PRKN: variants seen among roughly 807,000 people sequenced by gnomAD.
PRKN encodes the protein parkin RBR E3 ubiquitin protein ligase.
A neutral mutation model predicts 59.5 loss-of-function variants in PRKN; 56 were observed. That is an observed-to-expected ratio of 0.94 (90% CI 0.76 to 1.18). The LOEUF is 1.18. Ranked by LOEUF, PRKN falls within the 50% of genes most tolerant of loss-of-function variation. PRKN has a pLI of 0.00. For synonymous variants in PRKN, 250 were observed against 222.1 expected, an observed-to-expected ratio of 1.13 and a Z score of -1.12; for missense variants, 657 against 596.4, an observed-to-expected ratio of 1.10 and a Z score of -1.06.
chr6:162,353,807 C>A (rs971153429), intron 2 of PRKN, among the ~76,000 whole-genome samples: 1 of 152,056 alleles, frequency 6.6e-6, no homozygotes, highest in African/African-American at 2.4e-5. Context: ...CCATATAAAT[C>A]TAATGTGGGG....
At chr6:162,674,014 C>T (rs1349975649) in intron 1 of PRKN, among the ~76,000 whole-genome samples, 2 of 152,120 alleles carry the variant, frequency 1.3e-5, no homozygotes, top group Admixed American at 1.3e-4. Context: ...GAGAGCATCA[C>T]CATAGGGTTC....
At chr6:162,527,665 A>C (rs754248959) in intron 1 of PRKN, among the ~76,000 whole-genome samples, 4 of 152,202 alleles carry the variant, frequency 2.6e-5, no homozygotes, top group Non-Finnish European at 5.9e-5. Context: ...TCAGCTGATA[A>C]ATACTAACTT....
At chr6:161,510,786 A>T (rs1331976343) in intron 9 of PRKN, among the ~76,000 whole-genome samples, 1 of 152,190 alleles carries the variant, frequency 6.6e-6, no homozygotes, top group Non-Finnish European at 1.5e-5. Context: ...ATGATAGAGG[A>T]TATAATCCTT....
chr6:161,853,712 G>A (rs1793528189), intron 6 of PRKN, among the ~76,000 whole-genome samples: 1 of 152,126 alleles, frequency 6.6e-6, no homozygotes, highest in Non-Finnish European at 1.5e-5. Flanking sequence ...ATTTCATTAT[G>A]CAGGAGATCT....
chr6:161,999,498 A>C (rs1781968969), intron 5 of PRKN, among the ~76,000 whole-genome samples: 1 of 152,174 alleles, frequency 6.6e-6, no homozygotes, highest in Admixed American at 6.6e-5. Context: ...ATGCATGAGC[A>C]AATATTTCAT....
intron 2 of PRKN, among the ~76,000 whole-genome samples, chr6:162,286,895 T>C (rs971142559): frequency 6.6e-6 from 1 of 152,206 alleles, no homozygotes; most frequent in Non-Finnish European, 1.5e-5. Flanking sequence ...TCACTGGATT[T>C]GCATCCAGGT....
intron 5 of PRKN, among the ~76,000 whole-genome samples, chr6:161,979,305 C>T (rs1618170): frequency 0.38 from 57,550 of 151,900 alleles, 11,153 homozygotes; most frequent in South Asian, 0.51. Context: ...CACGGTCTCC[C>T]CCTGTAACCC....
intron 1 of PRKN, among the ~76,000 whole-genome samples, chr6:162,678,513 T>C (rs1322990854): frequency 1.3e-5 from 2 of 152,192 alleles, no homozygotes; most frequent in Admixed American, 6.5e-5. Flanking sequence ...TAGCATTTCA[T>C]TGTGGCTTCA....
intron 4 of PRKN, among the ~76,000 whole-genome samples, chr6:162,094,787 C>T (rs1266565789): frequency 6.6e-6 from 1 of 152,160 alleles, no homozygotes; most frequent in Non-Finnish European, 1.5e-5. Flanking sequence ...ACATTTAAAA[C>T]TATTCCTGAA....
chr6:162,000,092 G>A (rs1781994206), intron 5 of PRKN, among the ~76,000 whole-genome samples: 1 of 152,050 alleles, frequency 6.6e-6, no homozygotes, highest in South Asian at 2.1e-4. Context: ...TATGAATAAA[G>A]TCGCTATAAA....
intron 5 of PRKN, among the ~76,000 whole-genome samples, chr6:162,008,091 C>T (rs1442340682): frequency 6.6e-6 from 1 of 152,076 alleles, no homozygotes; most frequent in Non-Finnish European, 1.5e-5. Flanking sequence ...TTACCTAAGA[C>T]CAAAAAATTG....
At position 161,378,756 on chromosome 6, in the gene PRKN, G is replaced by C. The variant is rs944659036; in HGVS notation, c.1167+8038C>G. Among the ~76,000 whole-genome samples the C allele has an allele frequency of 6.6e-6, 1 of 152,292 alleles. No individual in the cohort carries two copies. Among genetic ancestry groups the C allele is most frequent in the Admixed American group, 6.5e-5 (1 of 15,302 alleles). On this transcript the variant is annotated intron_variant, in intron 10 of 11. Coordinates refer to ENST00000366898, the MANE Select transcript of PRKN (RefSeq NM_004562.3). The surrounding 1 kb of genome is among the most constrained non-coding windows in gnomAD (Gnocchi z 7.3). ...CCGCTGGAGCTGCACTGTGATGTGG[G>C]CGCTATCCTCTAAGGTGAGATTTAC...
chr6:161,594,460 C>G (rs1311720544), intron 7 of PRKN, among the ~76,000 whole-genome samples: 2 of 152,192 alleles, frequency 1.3e-5, no homozygotes, highest in East Asian at 3.9e-4. Flanking sequence ...CAGGCCACAC[C>G]TCTTCCCTTT....
chr6:162,028,976 A>G (rs1434291261), intron 5 of PRKN, among the ~76,000 whole-genome samples: 1 of 152,220 alleles, frequency 6.6e-6, no homozygotes, highest in Non-Finnish European at 1.5e-5. Context: ...GATGTTTAGA[A>G]TGATAGGATG....
At chr6:162,604,676 G>A (rs958322101) in intron 1 of PRKN, among the ~76,000 whole-genome samples, 1 of 149,630 alleles carries the variant, frequency 6.7e-6, no homozygotes, top group African/African-American at 2.5e-5. Flanking sequence ...TTTCCCCACA[G>A]GCCCTGTTTC....
Position 161,466,484 on chromosome 6 carries a change from C to G in PRKN, c.1084-79607G>C, listed in dbSNP as rs1010134604. On this transcript the variant is annotated intron_variant, in intron 9 of 11. Coordinates refer to ENST00000366898, the MANE Select transcript of PRKN (RefSeq NM_004562.3). The surrounding 1 kb of genome is among the most constrained non-coding windows in gnomAD (Gnocchi z 5.0). ...CAGTCAACTAGTTTCTATTTTTGCA[C>G]TCATCTGCTCTGATCTGTTTAGGCA... Among the ~76,000 whole-genome samples the G allele has an allele frequency of 6.6e-6, 1 of 152,290 alleles. No individual in the cohort carries two copies. Among genetic ancestry groups the G allele is most frequent in the East Asian group, 1.9e-4 (1 of 5,172 alleles).
In PRKN at chr6:162,628,635, G is replaced by A. The variant is rs543686224; in HGVS notation, c.7+99027C>T. Among the ~76,000 whole-genome samples, 7 of 152,212 alleles carry A rather than the reference G, an allele frequency of 4.6e-5. No individual in the cohort carries two copies. In the South Asian group the frequency reaches 1.5e-3, roughly 32 times the overall value. ...ATGGCAGAGCTCCCATATTGAATGA[G>A]AAAGTGATTCTTGGCAGATAAGACA... On this transcript the variant is annotated intron_variant, in intron 1 of 11. Coordinates refer to ENST00000366898, the MANE Select transcript of PRKN (RefSeq NM_004562.3).
chr6:162,541,138 G>A (rs1778911035), intron 1 of PRKN, among the ~76,000 whole-genome samples: 1 of 152,258 alleles, frequency 6.6e-6, no homozygotes, highest in Non-Finnish European at 1.5e-5. Context: ...GGTGCCAGAG[G>A]TTGTTCTGGG....
intron 1 of PRKN, among the ~76,000 whole-genome samples, chr6:162,504,513 G>T (rs978279296): frequency 1.3e-5 from 2 of 152,172 alleles, no homozygotes; most frequent in African/African-American, 4.8e-5. Flanking sequence ...GCCCTACATA[G>T]ATATGACATC....
Sources: allele counts gnomAD v4.1 joint callset (sites outside exome capture counted in the v4.1 genomes callset), GRCh38; gene constraint gnomAD v4.1.1; non-coding constraint Gnocchi (gnomAD v3.1); transcripts MANE v1.5; gene names NCBI Gene and HGNC (gene_info 2026-07-23, HGNC 2026-07-21).